Variants in PPME1 observed in about 807,000 individuals in gnomAD.
PPME1 encodes the protein testicular secretory protein Li 39.
Under a neutral mutation model 56.9 loss-of-function variants are expected in PPME1, and 17 were observed. That is an observed-to-expected ratio of 0.30 (90% confidence interval 0.20 to 0.45). The LOEUF is 0.45. Ranked by LOEUF, PPME1 falls within the 20% of genes least tolerant of loss-of-function variation. PPME1 has a pLI of 1.00. For missense variants in PPME1, 357 were observed against 483.2 expected (o/e 0.74, Z 2.45); for synonymous variants, 122 against 156.2 (o/e 0.78, Z 1.63).
At chr11:74,175,980 C>A (rs1425049309) in intron 1 of PPME1, among the ~76,000 whole-genome samples, 2 of 152,176 alleles carry the variant, frequency 1.3e-5, no homozygotes, top group African/African-American at 4.8e-5. Flanking sequence ...TGAAGCCCAA[C>A]TTAGGTATTT....
intron 9 of PPME1, among the ~76,000 whole-genome samples, chr11:74,241,821 A>AT (rs1208578361): frequency 1.3e-5 from 2 of 152,040 alleles, no homozygotes; most frequent in Non-Finnish European, 2.9e-5. Flanking sequence ...TACGTTGCCC[A>AT]TTTTTTACTT....
intron 1 of PPME1, among the ~76,000 whole-genome samples, chr11:74,195,078 T>A (rs1857945528): frequency 6.6e-6 from 1 of 152,196 alleles, no homozygotes; most frequent in Non-Finnish European, 1.5e-5. Context: ...TTTTACAGAA[T>A]TCAAAGGCTT....
At chr11:74,235,815 A>G in intron 7 of PPME1, 86 bp from the exon 8 acceptor site, 1 of 1,542,482 alleles carries the variant, frequency 6.5e-7, no homozygotes, top group Non-Finnish European at 8.8e-7. Context: ...GGTCTCACAT[A>G]ATCTGTAGAA....
At chr11:74,232,494 A>G (rs1859092359) in intron 7 of PPME1, among the ~76,000 whole-genome samples, 1 of 152,218 alleles carries the variant, frequency 6.6e-6, no homozygotes, top group African/African-American at 2.4e-5. Context: ...ACTGTGATGC[A>G]GGATTCCTGT....
intron 1 of PPME1, among the ~76,000 whole-genome samples, chr11:74,186,985 T>C (rs1857701302): frequency 6.6e-6 from 1 of 152,240 alleles, no homozygotes; most frequent in African/African-American, 2.4e-5. Flanking sequence ...GTTATCCCAG[T>C]ATGATTTAAT....
intron 10 of PPME1, among the ~76,000 whole-genome samples, chr11:74,246,517 C>T (rs1859508369): frequency 1.3e-5 from 2 of 152,152 alleles, no homozygotes. Flanking sequence ...TCCTTATAGG[C>T]CCTAGTTCCA....
At chr11:74,202,480 C>T (rs550243621) in intron 1 of PPME1, among the ~76,000 whole-genome samples, 2 of 152,284 alleles carry the variant, frequency 1.3e-5, no homozygotes, top group Admixed American at 1.3e-4. Flanking sequence ...GTATTATAGT[C>T]AACTAGGAGT....
In PPME1 at chr11:74,202,906, A is replaced by G. The variant is rs188547417; in HGVS notation, c.102-822A>G. ...AAAACATACATAAACACTTACATGT[A>G]TTTCACAATTTTACCCAAGTGATAG... On this transcript the variant is annotated intron_variant, in intron 1 of 13. Transcript: ENST00000328257. Among the ~76,000 whole-genome samples the G allele has an allele frequency of 7.2e-5, 11 of 152,232 alleles. 1 individual carries two copies. Among genetic ancestry groups the G allele is most frequent in the Admixed American group, 6.5e-4 (10 of 15,284 alleles).
At chr11:74,175,361 C>T (rs558461756) in intron 1 of PPME1, among the ~76,000 whole-genome samples, 9 of 151,914 alleles carry the variant, frequency 5.9e-5, no homozygotes, top group South Asian at 2.1e-4. Context: ...AATTAGCTGG[C>T]GTGGTGGCAC....
chr11:74,241,740 G>A (rs1204940268), intron 9 of PPME1, among the ~76,000 whole-genome samples: 1 of 152,100 alleles, frequency 6.6e-6, no homozygotes, highest in Non-Finnish European at 1.5e-5. Context: ...CCTAATGACT[G>A]CTGATATTGA....
At chr11:74,185,289 C>T (rs1049142486) in intron 1 of PPME1, among the ~76,000 whole-genome samples, 5 of 151,966 alleles carry the variant, frequency 3.3e-5, no homozygotes, top group African/African-American at 9.7e-5. Flanking sequence ...TGAGCCACCG[C>T]GCCTGGTCTG....
rs770020360 is a variant in PPME1, at chr11:74,251,721, G to A, written c.1142+6G>A. 214 of 1,613,960 alleles carry A rather than the reference G, an allele frequency of 1.3e-4. No individual in the cohort carries two copies. In the Middle Eastern group the frequency reaches 2.0e-3, roughly 15 times the overall value. ...CCCATCGGTGGATTCCAGTGGTAAG[G>A]CGGGTACAAGGGTTTAAGAACCCAG... On this transcript the variant is annotated splice_donor_region_variant and intron_variant, in intron 13 of 13. Coordinates refer to ENST00000328257, the MANE Select transcript of PPME1 (RefSeq NM_016147.3).
intron 3 of PPME1, among the ~76,000 whole-genome samples, chr11:74,217,375 C>T (rs1445977343): frequency 6.6e-6 from 1 of 151,816 alleles, no homozygotes; most frequent in Non-Finnish European, 1.5e-5. Context: ...AACCCCGTCT[C>T]TTCTAAAAAT....
chr11:74,179,682 A>T (rs1376418841), intron 1 of PPME1, among the ~76,000 whole-genome samples: 1 of 152,246 alleles, frequency 6.6e-6, no homozygotes, highest in Non-Finnish European at 1.5e-5. Context: ...GATTTGAGTT[A>T]GATGATCTCT....
chr11:74,251,246 G>C, intron 12 of PPME1: 2 of 1,387,858 alleles, frequency 1.4e-6, no homozygotes, highest in Non-Finnish European at 9.3e-7. Context: ...TCATCCCAGG[G>C]CCCTGTGGTT....
At chr11:74,221,571 C>T (rs1331363726) in intron 3 of PPME1, among the ~76,000 whole-genome samples, 2 of 151,970 alleles carry the variant, frequency 1.3e-5, no homozygotes, top group Non-Finnish European at 1.5e-5. Context: ...TTCTCTTGGC[C>T]TCAGTTTTCT....
intron 5 of PPME1, among the ~76,000 whole-genome samples, chr11:74,228,099 A>G (rs760405127): frequency 2.0e-5 from 3 of 151,944 alleles, no homozygotes; most frequent in Non-Finnish European, 4.4e-5. Context: ...TGGAAATTAC[A>G]TGTTGATATT....
At position 74,171,518 on chromosome 11, in the gene PPME1, A is replaced by G. The variant is rs1258751054; in HGVS notation, c.97A>G (p.Met33Val). The G allele has an allele frequency of 1.9e-6, 3 of 1,611,964 alleles. No homozygotes were observed. The highest frequency in any genetic ancestry group is 2.5e-6 in the Non-Finnish European group (3 of 1,179,348). The stretch of plus-strand genomic sequence containing the variant: ...CAGTCAGAGCGGAGCCAAGATGCGA[A>G]TGGGGTACGTGACCCATACCCCTTC... ...GGSQSGAKMR[M>V]GPGRKRDFSP... Residue 33 changes from methionine to valine, a missense_variant, in exon 1 of 14, where the codon ATG becomes GTG. Met to Val is a conservative substitution (Grantham distance 21, BLOSUM62 1). Around this residue, in one of 2 missense-constraint regions of PPME1, gnomAD observed 175 missense variants for 189.4 expected, o/e 0.92. Transcript: ENST00000328257.
At chr11:74,237,939 G>A (rs1021179986) in intron 8 of PPME1, 2 of 152,158 alleles carry the variant, frequency 1.3e-5, no homozygotes, top group Non-Finnish European at 2.9e-5. Flanking sequence ...CAGTAGTAAA[G>A]CATTTTACAT....
Sources: allele counts gnomAD v4.1 joint callset (sites outside exome capture counted in the v4.1 genomes callset), GRCh38; gene constraint gnomAD v4.1.1; regional missense constraint gnomAD v4.1.1; transcripts MANE v1.5; gene names NCBI Gene and HGNC (gene_info 2026-07-23, HGNC 2026-07-21).